GPN2: variants seen among roughly 807,000 people sequenced by gnomAD.
GPN2 encodes the protein ATP-binding domain 1 family member B.
GPN2 carries 27 observed loss-of-function variants against 30.1 expected under a neutral mutation model. That is an observed-to-expected ratio of 0.90 (90% CI 0.66 to 1.24). The LOEUF is 1.24. Among genes scored for constraint, GPN2 ranks in the 50% most tolerant of loss-of-function variants. GPN2 has a pLI of 0.00. For missense variants in GPN2, 406 were observed against 405.4 expected, an observed-to-expected ratio of 1.00 and a Z score of -0.01; for synonymous variants, 212 against 174.4, an observed-to-expected ratio of 1.22 and a Z score of -1.70.
chr1:26,884,640 G>C (rs904703625), intron 3 of GPN2, among the ~76,000 whole-genome samples: 1 of 152,166 alleles, frequency 6.6e-6, no homozygotes, highest in African/African-American at 2.4e-5. Flanking sequence ...CCAGTGCCTG[G>C]CACAGTACTT....
chr1:26,880,330 T>C (rs945535890), intron 4 of GPN2, among the ~76,000 whole-genome samples: 2 of 152,214 alleles, frequency 1.3e-5, no homozygotes, highest in Non-Finnish European at 2.9e-5. Flanking sequence ...TTTCTTTTTT[T>C]TGAGACAGAG....
chr1:26,890,140 G>A lies in GPN2; in HGVS notation c.-44C>T. 6.9e-7 allele frequency: 1 copy of A among 1,453,350 alleles called. No individual in the cohort carries two copies. The highest frequency in any genetic ancestry group is 9.0e-7 in the Non-Finnish European group (1 of 1,105,706). The allele number at this position is 1,453,350 out of a possible 1,614,324, so 90.0% of individuals were successfully genotyped here. A position where few individuals can be genotyped will look rare whatever the true frequency, so the allele number is the denominator to read the frequency against. Reference sequence around the variant, plus strand: ...AGCAGGTCAACTCACAGGGAAAACGGGGCAGGTAGCCGCGCCGGAGACGAG... The same window carrying A: ...AGCAGGTCAACTCACAGGGAAAACGAGGCAGGTAGCCGCGCCGGAGACGAG... On this transcript the variant is annotated 5_prime_UTR_variant, in exon 1 of 5. Transcript: ENST00000374135.
intron 3 of GPN2, 50 bp from the exon 4 acceptor site, chr1:26,884,340 A>G: frequency 6.4e-7 from 1 of 1,563,590 alleles, no homozygotes; most frequent in Non-Finnish European, 8.6e-7. Flanking sequence ...GAAGTATGTA[A>G]AACTGCTTGC....
rs917346816 is a variant in GPN2 at position 26,879,279 on chromosome 1, T to G, written c.*398A>C. 1 of 194,884 alleles carries G rather than the reference T, an allele frequency of 5.1e-6. No homozygotes were observed. Among genetic ancestry groups the G allele is most frequent in the Admixed American group, 5.2e-5 (1 of 19,128 alleles). 12.1% of individuals were successfully genotyped at this position (194,884 alleles called of 1,614,324 possible). On this transcript the variant is annotated 3_prime_UTR_variant, in exon 5 of 5. Coordinates refer to ENST00000374135, the MANE Select transcript of GPN2 (RefSeq NM_018066.4). ...TGTGACTGAATGTGAATTATATGCT[T>G]TGGGGAAATACTGATTATTCCAAGG...
chr1:26,884,079 T>G, intron 4 of GPN2, 81 bp downstream of exon 4: 7 of 1,191,194 alleles, frequency 5.9e-6, no homozygotes, highest in Non-Finnish European at 8.3e-6. Flanking sequence ...ATCCACAAGG[T>G]TGATGACTGC....
chr1:26,889,986 G>GC lies in GPN2; in HGVS notation c.110dup (p.Arg38ProfsTer147). ...CCAGGTTCACCACCGCCACGCGCCG[G>GC]CCCAGCGCGCGCAGGAACTCACTCA... On this transcript the variant is annotated frameshift_variant, in exon 1 of 5. Transcript: ENST00000374135. LOFTEE classifies it high-confidence loss of function. The GC allele has an allele frequency of 6.2e-7, 1 of 1,602,138 alleles. No homozygotes were observed. Among genetic ancestry groups the GC allele is most frequent in the Non-Finnish European group, 8.5e-7 (1 of 1,179,106 alleles).
chr1:26,886,980 C>G (rs944321868), intron 2 of GPN2, among the ~76,000 whole-genome samples: 1 of 122,508 alleles, frequency 8.2e-6, no homozygotes, highest in East Asian at 2.3e-4. Context: ...GCAACAAGAG[C>G]GAAACTCTGT....
chr1:26,886,078 G>C lies in GPN2; in HGVS notation c.624C>G (p.His208Gln). The change falls in exon 3 of 5, where the codon CAC becomes CAG. Residue 208 changes from histidine to glutamine, a missense_variant. His to Gln is a conservative substitution (Grantham distance 24). Coordinates refer to ENST00000374135, the MANE Select transcript of GPN2 (RefSeq NM_018066.4). ...EVLDLSYLLD[H>Q]LASDPFFRHY... ...GGCGGAAGAAAGGGTCAGAAGCCAG[G>C]TGGTCAAGCAGGTAGGAGAGGTCCA... 6.2e-7 allele frequency: 1 copy of C among 1,613,432 alleles called. No individual in the cohort carries two copies. Among genetic ancestry groups the C allele is most frequent in the Non-Finnish European group, 8.5e-7 (1 of 1,179,368 alleles).
chr1:26,885,578 C>CTT (rs35274818), intron 3 of GPN2, among the ~76,000 whole-genome samples: 35 of 131,888 alleles, frequency 2.7e-4, no homozygotes, highest in Non-Finnish European at 3.1e-4. Context: ...AAAGACCACT[C>CTT]TTTTTTTTTT....
chr1:26,887,539 A>T (rs186829964), intron 2 of GPN2, among the ~76,000 whole-genome samples: 1 of 151,524 alleles, frequency 6.6e-6, no homozygotes, highest in Non-Finnish European at 1.5e-5. Flanking sequence ...TTAGGGAACA[A>T]TGTCCCCAGT....
In GPN2 at chr1:26,884,155, G is replaced by A. The variant is rs1410538322; in HGVS notation, c.860+5C>T. On this transcript the variant is annotated splice_donor_5th_base_variant and intron_variant, in intron 4 of 4. Coordinates refer to ENST00000374135, the MANE Select transcript of GPN2 (RefSeq NM_018066.4). ...CTGCTATGGCCAGGAAGCTGGCAAG[G>A]ATACGAAGAGAAATGGAAGTCGGCT... The A allele has an allele frequency of 9.9e-6, 16 of 1,610,844 alleles. No individual in the cohort carries two copies. The highest frequency in any genetic ancestry group is 1.4e-5 in the Non-Finnish European group (16 of 1,178,206).
Position 26,890,069 on chromosome 1 carries a change from A to G in GPN2, c.28T>C (p.Phe10Leu), listed in dbSNP as rs779163907. The G allele has an allele frequency of 1.3e-6, 2 of 1,566,802 alleles. No homozygotes were observed. The highest frequency in any genetic ancestry group is 2.7e-5 in the African/African-American group (2 of 74,122). ...GGCGGGCCGATCACCGCCTGCCCGA[A>G]GGCCGTGGTCGGAGCGGCCCCTGCC... MAGAAPTTAFGQAVIGPPGS... is the reference protein window; with the variant it reads MAGAAPTTALGQAVIGPPGS... Residue 10 changes from phenylalanine (F) to leucine (L), a missense_variant, in exon 1 of 5, where the codon TTC becomes CTC. Phe to Leu is a conservative substitution (Grantham distance 22). Coordinates refer to ENST00000374135, the MANE Select transcript of GPN2 (RefSeq NM_018066.4).
At position 26,890,149 on chromosome 1, in the gene GPN2, G is replaced by A; in HGVS notation, c.-53C>T. Reference sequence around the variant, plus strand: ...ACTCACAGGGAAAACGGGGCAGGTAGCCGCGCCGGAGACGAGACTGAGGGC... The same window carrying A: ...ACTCACAGGGAAAACGGGGCAGGTAACCGCGCCGGAGACGAGACTGAGGGC... On this transcript the variant is annotated 5_prime_UTR_variant, in exon 1 of 5. Coordinates refer to ENST00000374135, the MANE Select transcript of GPN2 (RefSeq NM_018066.4). 4.9e-6 allele frequency: 7 copies of A among 1,425,844 alleles called. No homozygotes were observed. The highest frequency in any genetic ancestry group is 6.5e-6 in the Non-Finnish European group (7 of 1,084,252). The allele number at this position is 1,425,844 out of a possible 1,614,324, so 88.3% of individuals were successfully genotyped here.
rs769378614 is a variant in GPN2, at chr1:26,888,983, T to C, written c.554A>G (p.His185Arg). 6.2e-7 allele frequency: 1 copy of C among 1,614,180 alleles called. No individual in the cohort carries two copies. Among genetic ancestry groups the C allele is most frequent in the South Asian group, 1.1e-5 (1 of 91,086 alleles). ...NLLSKMDLIE[H>R]YGKLAFNLDY... ...GAAGCTCTTACCCAGCTTCCCATAA[T>C]GCTCAATGAGGTCCATCTTGGAAAG... The change falls in exon 2 of 5, where the codon CAT becomes CGT. Residue 185 changes from histidine to arginine, a missense_variant. Coordinates refer to ENST00000374135, the MANE Select transcript of GPN2 (RefSeq NM_018066.4).
chr1:26,889,968 CACCACCGCCACGCGCCGG>C lies in GPN2; in HGVS notation c.111_128del (p.Arg38_Val43del). The C allele has an allele frequency of 6.2e-7, 1 of 1,604,630 alleles. No homozygotes were observed. The highest frequency in any genetic ancestry group is 8.5e-7 in the Non-Finnish European group (1 of 1,179,206). Reference sequence around the variant, plus strand: ...GCCCCTCGTTGGCCGGGTCCAGGTTCACCACCGCCACGCGCCGGCCCAGCGCGCGCAGGAACTCACTCA... The same window carrying C: ...GCCCCTCGTTGGCCGGGTCCAGGTTCCCCAGCGCGCGCAGGAACTCACTCA... On this transcript the variant is annotated inframe_deletion, in exon 1 of 5. Coordinates refer to ENST00000374135, the MANE Select transcript of GPN2 (RefSeq NM_018066.4).
intron 2 of GPN2, among the ~76,000 whole-genome samples, chr1:26,888,552 T>C (rs1331102356): frequency 6.6e-6 from 1 of 152,230 alleles, no homozygotes; most frequent in Non-Finnish European, 1.5e-5. Flanking sequence ...GGCTGGCTCC[T>C]TCTCACCATT....
At chr1:26,880,400 A>C (rs1258864484) in intron 4 of GPN2, among the ~76,000 whole-genome samples, 1 of 151,828 alleles carries the variant, frequency 6.6e-6, no homozygotes, top group Non-Finnish European at 1.5e-5. Flanking sequence ...GCAACCTCCA[A>C]CTCCCTGGTT....
rs562969985 is a variant in GPN2, at chr1:26,885,577, T to TC, written c.729+395dup. ...ATACTCAACCCAGGGCAAAGACCAC[T>TC]CTTTTTTTTTTTTTTTTTTTGAGAT... On this transcript the variant is annotated intron_variant, in intron 3 of 4. Coordinates refer to ENST00000374135, the MANE Select transcript of GPN2 (RefSeq NM_018066.4). Among the ~76,000 whole-genome samples, 915 of 145,664 alleles carry TC rather than the reference T, an allele frequency of 6.3e-3. 10 individuals carry two copies. Among genetic ancestry groups the TC allele is most frequent in the African/African-American group, 0.022 (859 of 39,526 alleles).
intron 1 of GPN2, 136 bp downstream of exon 1, chr1:26,889,550 A>T: frequency 1.3e-6 from 1 of 776,714 alleles, no homozygotes; most frequent in South Asian, 1.8e-5. Flanking sequence ...TAGCAGAGCC[A>T]GATTCTGAAC....
Sources: allele counts gnomAD v4.1 joint callset (sites outside exome capture counted in the v4.1 genomes callset), GRCh38; gene constraint gnomAD v4.1.1; transcripts MANE v1.5; gene names NCBI Gene and HGNC (gene_info 2026-07-23, HGNC 2026-07-21).